Variants in AKR1E2 observed in about 807,000 individuals in gnomAD.
AKR1E2 encodes the protein aldo-keto reductase family 1 member E2, also known as 1,5-anhydro-D-fructose reductase.
In AKR1E2, 43 loss-of-function variants were observed where a neutral mutation model predicts 41.9. The observed-to-expected ratio is 1.03, with a 90% confidence interval of 0.80 to 1.32. The LOEUF is 1.32. Among genes scored for constraint, AKR1E2 ranks in the 40% most tolerant of loss-of-function variants. The pLI is 0.00. For missense variants in AKR1E2, 423 were observed against 396.5 expected, an observed-to-expected ratio of 1.07 and a Z score of -0.57; for synonymous variants, 121 against 138.9, an observed-to-expected ratio of 0.87 and a Z score of 0.91.
At chr10:4,840,502 T>C (rs905738222) in intron 6 of AKR1E2, among the ~76,000 whole-genome samples, 1 of 152,152 alleles carries the variant, frequency 6.6e-6, no homozygotes, top group Non-Finnish European at 1.5e-5. Flanking sequence ...GAGCTGTCTC[T>C]TTCCTTTCCT....
chr10:4,826,810 G>T (rs1409327528), intron 1 of AKR1E2, among the ~76,000 whole-genome samples: 1 of 152,130 alleles, frequency 6.6e-6, no homozygotes, highest in East Asian at 1.9e-4. Context: ...GGCGTGGGGT[G>T]CGGGCTTGTA....
chr10:4,837,833 A>G (rs978625110), intron 5 of AKR1E2, among the ~76,000 whole-genome samples: 2 of 152,218 alleles, frequency 1.3e-5, no homozygotes, highest in African/African-American at 4.8e-5. Flanking sequence ...CAGTGCAGGC[A>G]GGTCACCAGG....
rs1833139473 is a variant in AKR1E2, at chr10:4,833,448, C to G, written c.306C>G (p.His102Gln). 6.2e-7 allele frequency: 1 copy of G among 1,614,056 alleles called. No homozygotes were observed. ...ACTATTTGGACCTCTACCTCATACA[C>G]TGGCCCATGGGTTTCAAGGTACCGT... ...KLNYLDLYLI[H>Q]WPMGFKPPHP... The change falls in exon 3 of 10, where the codon CAC becomes CAG. Residue 102 changes from histidine to glutamine, a missense_variant. His to Gln is a conservative substitution (Grantham distance 24, BLOSUM62 0). Transcript: ENST00000298375.
chr10:4,858,800 T>C, the AKR1E2 span, among the ~76,000 whole-genome samples: 1 of 150,286 alleles, frequency 6.7e-6, no homozygotes, highest in Admixed American at 6.7e-5. Context: ...CAGATCACTT[T>C]AAACACATAC....
At chr10:4,837,667 G>A (rs1255672720) in intron 5 of AKR1E2, 86 bp downstream of exon 5, 1 of 1,548,152 alleles carries the variant, frequency 6.5e-7, no homozygotes, top group Non-Finnish European at 8.8e-7. Context: ...GGAAATGGAA[G>A]AATGGGTGAA....
intron 4 of AKR1E2, 104 bp from the exon 5 acceptor site, chr10:4,837,355 T>C (rs888613967): frequency 7.0e-7 from 1 of 1,423,368 alleles, no homozygotes; most frequent in South Asian, 1.5e-5. Context: ...TGTAAAAATA[T>C]TGGGTCCAAC....
chr10:4,846,514 G>A (rs1834347975), intron 8 of AKR1E2, among the ~76,000 whole-genome samples: 1 of 152,032 alleles, frequency 6.6e-6, no homozygotes, highest in African/African-American at 2.4e-5. Context: ...GGTTTTGAGG[G>A]GTAGCAGAGT....
chr10:4,861,227 G>A, the AKR1E2 span, among the ~76,000 whole-genome samples: 2 of 151,794 alleles, frequency 1.3e-5, no homozygotes, highest in Admixed American at 6.6e-5. Context: ...AAATATTTTC[G>A]GACATCTATT....
At chr10:4,850,574 C>T (rs1041603670), downstream of AKR1E2, among the ~76,000 whole-genome samples, 2 of 152,128 alleles carry the variant, frequency 1.3e-5, no homozygotes, top group East Asian at 1.9e-4. Flanking sequence ...TGCGAGGTTC[C>T]GGTTTCTCCA....
chr10:4,827,798 G>A (rs1274272454), intron 1 of AKR1E2, among the ~76,000 whole-genome samples: 3 of 152,142 alleles, frequency 2.0e-5, no homozygotes, highest in African/African-American at 7.2e-5. Context: ...TCTAGTGAAG[G>A]ACGTGCATCT....
chr10:4,833,342 CT>C lies in AKR1E2; in HGVS notation c.208-5del. 6.2e-7 allele frequency: 1 copy of C among 1,612,284 alleles called. No homozygotes were observed. The highest frequency in any genetic ancestry group is 8.5e-7 in the Non-Finnish European group (1 of 1,178,324). On this transcript the variant is annotated splice_region_variant and splice_polypyrimidine_tract_variant and intron_variant, in intron 2 of 9. Coordinates refer to ENST00000298375, the MANE Select transcript of AKR1E2 (RefSeq NM_001040177.3). ...GCACGTGTGACGCTGGTCCCCTCTC[CT>C]TTGTAGCTGTGGTGCACCTGCCATA...
chr10:4,833,172 C>T (rs149297479), intron 2 of AKR1E2, among the ~76,000 whole-genome samples, 178 bp from the exon 3 acceptor site: 5 of 152,296 alleles, frequency 3.3e-5, no homozygotes, highest in African/African-American at 7.2e-5. Flanking sequence ...CTGCAGGTGT[C>T]CTGGAACTCT....
the AKR1E2 span, among the ~76,000 whole-genome samples, chr10:4,859,226 A>G: frequency 6.6e-6 from 1 of 152,192 alleles, no homozygotes; most frequent in Non-Finnish European, 1.5e-5. Flanking sequence ...GTGTTAGTCT[A>G]TGTATTGGGT....
the AKR1E2 span, among the ~76,000 whole-genome samples, chr10:4,854,739 C>G: frequency 6.6e-6 from 1 of 152,120 alleles, no homozygotes; most frequent in Non-Finnish European, 1.5e-5. Context: ...GATTTGGTAG[C>G]AGGCCTAACT....
downstream of AKR1E2, among the ~76,000 whole-genome samples, chr10:4,852,545 A>C (rs1435421891): frequency 6.6e-6 from 1 of 151,092 alleles, no homozygotes; most frequent in Non-Finnish European, 1.5e-5. Flanking sequence ...AGAATCTCTG[A>C]AATTAAGTTA....
In AKR1E2 at chr10:4,826,521, G is replaced by A. The variant is rs1036065074; in HGVS notation, c.39+158G>A. Among the ~76,000 whole-genome samples, 25 of 152,304 alleles carry A rather than the reference G, an allele frequency of 1.6e-4. No individual in the cohort carries two copies. In the Middle Eastern group the frequency reaches 0.01, roughly 63 times the overall value. On this transcript the variant is annotated intron_variant, in intron 1 of 9. Coordinates refer to ENST00000298375, the MANE Select transcript of AKR1E2 (RefSeq NM_001040177.3). ...GGCGCTGCTGAGGTGGCCGCCCACC[G>A]CCCACAAGCAGCCCGGCCCGGCCTT... is the stretch of plus-strand genomic sequence containing the variant.
chr10:4,830,572 T>G, intron 1 of AKR1E2, 103 bp from the exon 2 acceptor site: 24 of 1,364,988 alleles, frequency 1.8e-5, no homozygotes, highest in Non-Finnish European at 2.4e-5. Context: ...ATTAGTGACT[T>G]AATTTTTTAT....
At chr10:4,845,859 G>A (rs113060194) in intron 8 of AKR1E2, 7 of 470,562 alleles carry the variant, frequency 1.5e-5, no homozygotes, top group South Asian at 3.1e-5. Flanking sequence ...GGCCAAAGCC[G>A]AAGTGATCTG....
At chr10:4,858,794 T>A in the AKR1E2 span, among the ~76,000 whole-genome samples, 1 of 150,942 alleles carries the variant, frequency 6.6e-6, no homozygotes, top group African/African-American at 2.4e-5. Flanking sequence ...AGAAATCAGA[T>A]CACTTTAAAC....
Sources: gnomAD v4.1 joint callset for allele counts (sites outside exome capture counted in the v4.1 genomes callset) on GRCh38, gnomAD v4.1.1 for gene constraint, MANE v1.5 for transcripts, NCBI Gene and HGNC (gene_info 2026-07-23, HGNC 2026-07-21) for gene names.